The following THADA variants were observed in gnomAD, a reference collection of about 807,000 sequenced individuals.
THADA encodes the protein THADA armadillo repeat containing.
A neutral mutation model predicts 219.8 loss-of-function variants in THADA; 213 were observed. The observed-to-expected ratio is 0.97, with a 90% confidence interval of 0.87 to 1.09. The LOEUF (loss-of-function observed/expected upper bound fraction) is 1.09, where lower values mean the gene tolerates loss of function less well. Among genes scored for constraint, THADA ranks in the 50% least tolerant of loss-of-function variants. The pLI, the probability that THADA is intolerant of heterozygous loss-of-function variation, is 0.00. For missense variants in THADA, 2,956 were observed against 2,311.3 expected (o/e 1.28, Z -5.72); for synonymous variants, 1,018 against 828.9 (o/e 1.23, Z -3.92).
chr2:43,556,245 T>A, intron 17 of THADA, 100 bp downstream of exon 17: 1 of 1,522,820 alleles, frequency 6.6e-7, no homozygotes, highest in Non-Finnish European at 8.8e-7. Flanking sequence ...AACTTTTAAA[T>A]AAAAAACCAC....
In THADA at chr2:43,279,857, G is replaced by T. The variant is rs1317529961; in HGVS notation, c.5204C>A (p.Thr1735Asn). ...DTLALWKCVL[T>N]LLQSEEQAVR... ...AGCTTGCTCCTCACTCTGCAGAAGGGTAAGGACACACTTCCAGAGAGCAAG... is the reference window on the plus strand; with the variant it reads ...AGCTTGCTCCTCACTCTGCAGAAGGTTAAGGACACACTTCCAGAGAGCAAG... The change falls in exon 36 of 38, where the codon ACC becomes AAC. Residue 1735 changes from threonine to asparagine, a missense_variant. By Grantham distance (65) the Thr-to-Asn change is moderately conservative (BLOSUM62 0). Coordinates refer to ENST00000405975, the MANE Select transcript of THADA (RefSeq NM_022065.5). 6 of 1,569,434 alleles carry T rather than the reference G, an allele frequency of 3.8e-6. No homozygotes were observed. The highest frequency in any genetic ancestry group is 5.2e-6 in the Non-Finnish European group (6 of 1,158,530).
intron 37 of THADA, 100 bp downstream of exon 37, chr2:43,232,613 T>C: frequency 7.6e-7 from 1 of 1,311,788 alleles, no homozygotes; most frequent in East Asian, 2.5e-5. Flanking sequence ...CTGCTCTGTG[T>C]CTAAGCATGC....
At position 43,357,702 on chromosome 2, in the gene THADA, T is replaced by G. The variant is rs1333528731; in HGVS notation, c.4228-13465A>C. 2.0e-5 allele frequency among the ~76,000 whole-genome samples: 3 copies of G among 152,326 alleles called. No individual in the cohort carries two copies. In the East Asian group the frequency reaches 5.8e-4, roughly 29 times the overall value. On this transcript the variant is annotated intron_variant, in intron 29 of 37. Coordinates refer to ENST00000405975, the MANE Select transcript of THADA (RefSeq NM_022065.5). ...GTACAGCCAAACTGTACAGTCATTA[T>G]AAAGAAGTTGTAGATTTATATAGAC...
At chr2:43,304,964 G>A (rs1558551846) in intron 31 of THADA, among the ~76,000 whole-genome samples, 1 of 152,170 alleles carries the variant, frequency 6.6e-6, no homozygotes, top group Non-Finnish European at 1.5e-5. Flanking sequence ...GAGCCACTGT[G>A]CCCGGCCTAG....
intron 14 of THADA, among the ~76,000 whole-genome samples, chr2:43,568,627 T>A (rs2103986534): frequency 6.6e-6 from 1 of 152,298 alleles, no homozygotes; most frequent in African/African-American, 2.4e-5. Context: ...GTACCTGAGT[T>A]TTCACAAATG....
intron 26 of THADA, among the ~76,000 whole-genome samples, chr2:43,442,361 A>C (rs924652583): frequency 2.6e-5 from 4 of 152,088 alleles, no homozygotes; most frequent in African/African-American, 9.7e-5. Context: ...GCTTGAACCC[A>C]GGAGGCGGAG....
chr2:43,524,810 G>C (rs1692952820), intron 22 of THADA, among the ~76,000 whole-genome samples: 1 of 152,190 alleles, frequency 6.6e-6, no homozygotes, highest in Admixed American at 6.5e-5. Flanking sequence ...TAGATTAGGA[G>C]GGGCTAAGAT....
chr2:43,400,457 T>TTATATA (rs539798216), intron 28 of THADA, among the ~76,000 whole-genome samples: 1,183 of 89,894 alleles, frequency 0.013, 62 homozygotes, highest in African/African-American at 0.043. Context: ...ATAGACAAAT[T>TTATATA]TATATATATA....
Position 43,344,102 on chromosome 2 carries a change from C to T in THADA, c.4343+20G>A. ...TCCTAACCCCTGATAACTCCTTGCTCATGTGGGATTTTAACATACCTCTTG... is the reference window on the plus strand; with the variant it reads ...TCCTAACCCCTGATAACTCCTTGCTTATGTGGGATTTTAACATACCTCTTG... On this transcript the variant is annotated intron_variant, in intron 30 of 37. Transcript: ENST00000405975. 5.8e-6 allele frequency: 9 copies of T among 1,549,118 alleles called. No homozygotes were observed. Among genetic ancestry groups the T allele is most frequent in the Non-Finnish European group, 7.1e-6 (8 of 1,128,692 alleles).
chr2:43,475,677 T>G (rs2104979249), intron 26 of THADA, among the ~76,000 whole-genome samples: 1 of 152,322 alleles, frequency 6.6e-6, no homozygotes, highest in African/African-American at 2.4e-5. Context: ...TATTTTAACG[T>G]TCTACAAAAC....
intron 30 of THADA, among the ~76,000 whole-genome samples, chr2:43,329,952 T>C (rs1679769897): frequency 6.6e-6 from 1 of 152,214 alleles, no homozygotes; most frequent in South Asian, 2.1e-4. Flanking sequence ...TACACTTCCA[T>C]TACTCACTAT....
chr2:43,347,763 G>A (rs1014877812), intron 29 of THADA, among the ~76,000 whole-genome samples: 2 of 152,178 alleles, frequency 1.3e-5, no homozygotes, highest in Non-Finnish European at 2.9e-5. Flanking sequence ...GTACTACTCA[G>A]GGGACAACAA....
chr2:43,432,474 TA>T (rs1334988935), intron 26 of THADA, among the ~76,000 whole-genome samples: 1 of 151,804 alleles, frequency 6.6e-6, no homozygotes. Flanking sequence ...TTTTTTTTTT[TA>T]CTATTATGAA....
chr2:43,580,858 C>T (rs923847208), intron 8 of THADA, among the ~76,000 whole-genome samples: 5 of 150,398 alleles, frequency 3.3e-5, no homozygotes, highest in African/African-American at 1.2e-4. Context: ...CCAGTGTGGG[C>T]GACAAAGAGA....
chr2:43,405,865 C>T (rs1484818347), intron 28 of THADA, among the ~76,000 whole-genome samples: 1 of 152,068 alleles, frequency 6.6e-6, no homozygotes, highest in Admixed American at 6.6e-5. Flanking sequence ...CACATTAAAC[C>T]CTTAAAAAAA....
At chr2:43,466,585 C>A (rs1684266329) in intron 26 of THADA, among the ~76,000 whole-genome samples, 1 of 152,136 alleles carries the variant, frequency 6.6e-6, no homozygotes, top group Admixed American at 6.5e-5. Context: ...TCCTAATGCC[C>A]AGCATATTAC....
At chr2:43,275,765 C>T (rs147618973) in intron 36 of THADA, among the ~76,000 whole-genome samples, 10 of 152,332 alleles carry the variant, frequency 6.6e-5, no homozygotes, top group African/African-American at 2.4e-4. Flanking sequence ...TCTTCTCTTC[C>T]TCTGAAGGCA....
chr2:43,397,123 T>G (rs1056817569), intron 29 of THADA, among the ~76,000 whole-genome samples: 2 of 151,572 alleles, frequency 1.3e-5, no homozygotes, highest in Non-Finnish European at 2.9e-5. Flanking sequence ...ACCCAGGCAG[T>G]CTGGCTCCAG....
intron 14 of THADA, among the ~76,000 whole-genome samples, chr2:43,567,209 T>C (rs1224516816): frequency 6.6e-6 from 1 of 152,174 alleles, no homozygotes; most frequent in Admixed American, 6.5e-5. Context: ...AATTATCCTT[T>C]AGGTCCCACA....
Sources: allele counts gnomAD v4.1 joint callset (sites outside exome capture counted in the v4.1 genomes callset), GRCh38; gene constraint gnomAD v4.1.1; transcripts MANE v1.5; gene names NCBI Gene and HGNC (gene_info 2026-07-23, HGNC 2026-07-21).